TCERG1L: variants seen among roughly 807,000 people sequenced by gnomAD.
TCERG1L encodes transcription elongation regulator 1-like protein.
A neutral mutation model predicts 56.3 loss-of-function variants in TCERG1L; 37 were observed. The ratio of observed to expected loss-of-function variants is 0.66; its 90% CI spans 0.51 to 0.87. The LOEUF (loss-of-function observed/expected upper bound fraction) is 0.87. Ranked by LOEUF, TCERG1L falls within the 40% of genes least tolerant of loss-of-function variation. The probability of loss-of-function intolerance (pLI) is 0.00; values close to 1 mark genes in which losing one functional copy is unlikely to be tolerated. For missense variants in TCERG1L, 799 were observed against 774.2 expected, an observed-to-expected ratio of 1.03 and a Z score of -0.38; for synonymous variants, 324 against 326.3, an observed-to-expected ratio of 0.99 and a Z score of 0.08.
chr10:131,108,733 G>T (rs757948323), intron 9 of TCERG1L, among the ~76,000 whole-genome samples: 2 of 152,208 alleles, frequency 1.3e-5, no homozygotes, highest in Non-Finnish European at 2.9e-5. Flanking sequence ...AGATCCCACT[G>T]GGCTGAGATG....
chr10:131,183,131 G>A (rs1348137071), intron 4 of TCERG1L, among the ~76,000 whole-genome samples: 1 of 152,122 alleles, frequency 6.6e-6, no homozygotes, highest in Non-Finnish European at 1.5e-5. Context: ...TATGACAAGG[G>A]CAGGTACATT....
chr10:131,238,475 A>G (rs2918168), intron 4 of TCERG1L, among the ~76,000 whole-genome samples: 152,192 of 152,220 alleles, frequency 1, 76,082 homozygotes, highest in Non-Finnish European at 1. Context: ...TGGGGCCAGG[A>G]GCCACCCCAG....
At chr10:131,217,179 T>G (rs1564818057) in intron 4 of TCERG1L, among the ~76,000 whole-genome samples, 1 of 152,092 alleles carries the variant, frequency 6.6e-6, no homozygotes, top group East Asian at 1.9e-4. Context: ...GGGGTGGATT[T>G]CCTGCTTGAT....
intron 7 of TCERG1L, among the ~76,000 whole-genome samples, chr10:131,135,662 G>C (rs962251662): frequency 6.6e-6 from 1 of 152,228 alleles, no homozygotes; most frequent in Non-Finnish European, 1.5e-5. Flanking sequence ...TCCGCCACCT[G>C]AGCTGCCCAG....
chr10:131,194,889 G>A (rs535536291), intron 4 of TCERG1L, among the ~76,000 whole-genome samples: 1 of 152,178 alleles, frequency 6.6e-6, no homozygotes, highest in South Asian at 2.1e-4. Context: ...GTTTTTGCCT[G>A]TATATACACA....
rs397816461 is a variant in TCERG1L, at chr10:131,245,420, T to TA, written c.856+14838dup. Among the ~76,000 whole-genome samples the TA allele has an allele frequency of 2.9e-3, 435 of 151,088 alleles. 2 individuals are homozygous for TA. Among genetic ancestry groups the TA allele is most frequent in the Admixed American group, 4.2e-3 (62 of 14,938 alleles). ...TGGTTTAAAATAATAATTTTTTTTT[T>TA]AAAAAAACTGAGAAGTTGAAGTCGA... On this transcript the variant is annotated intron_variant, in intron 4 of 11. Transcript: ENST00000368642.
At chr10:131,230,526 CAG>C (rs1845838487) in intron 4 of TCERG1L, among the ~76,000 whole-genome samples, 1 of 152,234 alleles carries the variant, frequency 6.6e-6, no homozygotes, top group Non-Finnish European at 1.5e-5. Flanking sequence ...GTGCCAAAGA[CAG>C]AGACATCTTC....
At chr10:131,137,435 C>T (rs899579608) in intron 7 of TCERG1L, among the ~76,000 whole-genome samples, 9 of 152,214 alleles carry the variant, frequency 5.9e-5, no homozygotes, top group African/African-American at 2.2e-4. Flanking sequence ...TCTCTCAACT[C>T]CCCGGGCCCT....
chr10:131,260,272 C>G lies in TCERG1L; in HGVS notation c.843G>C (p.Thr281=), dbSNP rs369822524. 1 of 1,368,534 alleles carries G rather than the reference C, an allele frequency of 7.3e-7. No homozygotes were observed. Among genetic ancestry groups the G allele is most frequent in the African/African-American group, 1.5e-5 (1 of 66,678 alleles). 84.8% of individuals were successfully genotyped at this position (1,368,534 alleles called of 1,614,324 possible). A position where few individuals can be genotyped will look rare whatever the true frequency, so the allele number is the denominator to read the frequency against. ...CTCCGAGCCTACCTGAGACGGGGGACGTCCGGAGGGGTATTTTGATGGGTG... is the reference window on the plus strand; with the variant it reads ...CTCCGAGCCTACCTGAGACGGGGGAGGTCCGGAGGGGTATTTTGATGGGTG... The part of the protein sequence containing the change: ...TLAPIKIPLR[T]SPVSDTRTER... The change falls in exon 4 of 12, where the codon ACG becomes ACC. Residue 281 remains threonine (T), a synonymous_variant. Transcript: ENST00000368642. The surrounding 1 kb of genome is among the most constrained non-coding windows in gnomAD (Gnocchi z 5.8).
At chr10:131,295,809 T>G (rs550751148) in intron 3 of TCERG1L, among the ~76,000 whole-genome samples, 1 of 152,316 alleles carries the variant, frequency 6.6e-6, no homozygotes, top group South Asian at 2.1e-4. Context: ...CACCCTACAG[T>G]GGTAACGACC....
chr10:131,232,614 T>C (rs1479401175), intron 4 of TCERG1L, among the ~76,000 whole-genome samples: 3 of 152,374 alleles, frequency 2.0e-5, no homozygotes, highest in Admixed American at 1.3e-4. Flanking sequence ...TTCTTTCTCT[T>C]TAAAATTGCA....
chr10:131,255,868 C>A (rs1449775474), intron 4 of TCERG1L, among the ~76,000 whole-genome samples: 2 of 152,222 alleles, frequency 1.3e-5, no homozygotes, highest in Non-Finnish European at 2.9e-5. Context: ...GCACCTTATA[C>A]AACTAAATGT....
chr10:131,158,258 T>C (rs906127228), intron 6 of TCERG1L, among the ~76,000 whole-genome samples: 2 of 152,226 alleles, frequency 1.3e-5, no homozygotes, highest in African/African-American at 4.8e-5. Flanking sequence ...TACCACCTCA[T>C]TGCTTTCTAA....
At chr10:131,139,806 GTA>G (rs1053202446) in intron 7 of TCERG1L, among the ~76,000 whole-genome samples, 21 of 151,458 alleles carry the variant, frequency 1.4e-4, no homozygotes, top group Admixed American at 7.2e-4. Context: ...GTCTGTGTGC[GTA>G]TATGTGTGTG....
Position 131,093,298 on chromosome 10 carries a change from G to T in TCERG1L, c.1625C>A (p.Ala542Glu). ...VSPRTTFKEFAEKYGRDQRFR... is the reference protein window; with the variant it reads ...VSPRTTFKEFEEKYGRDQRFR... Reference sequence around the variant, plus strand: ...CCTCTGATCCCGGCCGTATTTCTCTGCAAACTCCTTAAACGTGGTCCTGAA... The same window carrying T: ...CCTCTGATCCCGGCCGTATTTCTCTTCAAACTCCTTAAACGTGGTCCTGAA... Residue 542 changes from alanine to glutamate, a missense_variant, in exon 12 of 12, where the codon GCA (alanine) becomes GAA (glutamate). Ala to Glu is a moderately radical substitution (Grantham distance 107). Transcript: ENST00000368642. The T allele has an allele frequency of 1.2e-6, 2 of 1,613,692 alleles. No homozygotes were observed. Among genetic ancestry groups the T allele is most frequent in the Non-Finnish European group, 1.7e-6 (2 of 1,179,774 alleles).
At chr10:131,270,320 G>A (rs1846327796) in intron 3 of TCERG1L, among the ~76,000 whole-genome samples, 1 of 152,324 alleles carries the variant, frequency 6.6e-6, no homozygotes, top group African/African-American at 2.4e-5. Flanking sequence ...TGAGTTTGAA[G>A]AGCAGCAGGC....
chr10:131,285,321 T>C (rs1170007243), intron 3 of TCERG1L, among the ~76,000 whole-genome samples: 2 of 147,144 alleles, frequency 1.4e-5, no homozygotes, highest in Non-Finnish European at 3.0e-5. Flanking sequence ...GAGGTTGCAG[T>C]GACCTAAGAT....
chr10:131,115,218 A>G (rs1274585043), intron 9 of TCERG1L, among the ~76,000 whole-genome samples: 1 of 152,218 alleles, frequency 6.6e-6, no homozygotes, highest in Admixed American at 6.5e-5. Context: ...CCACCAGGAT[A>G]AAGAAGAGTC....
At chr10:131,291,397 A>ATTTTTTTTTTTTTTTTT (rs1564835283) in intron 3 of TCERG1L, among the ~76,000 whole-genome samples, 3 of 60,188 alleles carry the variant, frequency 5.0e-5, no homozygotes, top group Non-Finnish European at 3.2e-5. Flanking sequence ...CATAAACAGC[A>ATTTTTTTTTTTTTTTTT]TTTCTTTTTT....
Sources: gnomAD v4.1 joint callset for allele counts (sites outside exome capture counted in the v4.1 genomes callset) on GRCh38, gnomAD v4.1.1 for gene constraint, Gnocchi (gnomAD v3.1) non-coding constraint, MANE v1.5 for transcripts, NCBI Gene and HGNC (gene_info 2026-07-23, HGNC 2026-07-21) for gene names.